NEDD4L: variants seen among roughly 807,000 people sequenced by gnomAD.
NEDD4L encodes E3 ubiquitin-protein ligase NEDD4-like.
In NEDD4L, 54 loss-of-function variants were observed where a neutral mutation model predicts 148.9. The observed-to-expected ratio is 0.36, with a 90% CI of 0.29 to 0.45. The LOEUF is 0.45. NEDD4L is among the 20% of genes least tolerant of loss of function. The probability of loss-of-function intolerance (pLI) is 1.00; values close to 1 mark genes in which losing one functional copy is unlikely to be tolerated. For synonymous variants in NEDD4L, 433 were observed against 440.7 expected (o/e 0.98, Z 0.22); for missense variants, 856 against 1,233.8 (o/e 0.69, Z 4.59).
At position 58,366,304 on chromosome 18, in the gene NEDD4L, G is replaced by T; in HGVS notation, c.2063+76G>T. The T allele has an allele frequency of 9.1e-7, 1 of 1,102,438 alleles. No homozygotes were observed. The allele number at this position is 1,102,438 out of a possible 1,614,324, so 68.3% of individuals were successfully genotyped here. ...GAATTTAAACAGAATGAAAGGATAAGCAGCTCATGAGTTCGAGATGCATTA... is the reference window on the plus strand; with the variant it reads ...GAATTTAAACAGAATGAAAGGATAATCAGCTCATGAGTTCGAGATGCATTA... On this transcript the variant is annotated intron_variant, in intron 21 of 30. Transcript: ENST00000400345. The surrounding 1 kb of genome is among the most constrained non-coding windows in gnomAD (Gnocchi z 4.2).
At chr18:58,255,628 C>T in intron 5 of NEDD4L, 1 of 1,232,476 alleles carries the variant, frequency 8.1e-7, no homozygotes, top group Middle Eastern at 3.1e-4. Context: ...CCCTCCTGGC[C>T]CCCCTGGTCA....
intron 1 of NEDD4L, among the ~76,000 whole-genome samples, chr18:58,158,289 A>T (rs868700786): frequency 3.9e-5 from 6 of 152,240 alleles, no homozygotes; most frequent in South Asian, 2.1e-4. Flanking sequence ...GTGGAAGCCT[A>T]ATGTCTTTGT....
At chr18:58,349,665 T>C in intron 17 of NEDD4L, 51 bp downstream of exon 17, 1 of 1,417,554 alleles carries the variant, frequency 7.1e-7, no homozygotes, top group Non-Finnish European at 1.0e-6. Context: ...TGTTCCTTTA[T>C]CCGCTCAATG....
At chr18:58,314,783 A>G (rs1331979181) in intron 5 of NEDD4L, among the ~76,000 whole-genome samples, 2 of 152,178 alleles carry the variant, frequency 1.3e-5, no homozygotes, top group Admixed American at 6.5e-5. Flanking sequence ...TCCAGAATGG[A>G]TTGTTTAGAG....
At chr18:58,368,909 A>T (rs1009057226) in intron 22 of NEDD4L, among the ~76,000 whole-genome samples, 1 of 152,178 alleles carries the variant, frequency 6.6e-6, no homozygotes, top group Admixed American at 6.5e-5. Flanking sequence ...ATTCACTCCA[A>T]CTTTCTCAGA....
chr18:58,071,475 G>T (rs1384873756), intron 1 of NEDD4L, among the ~76,000 whole-genome samples: 1 of 152,166 alleles, frequency 6.6e-6, no homozygotes, highest in African/African-American at 2.4e-5. Context: ...AAGAATCAGT[G>T]AACTGGAAGA....
Position 58,319,440 on chromosome 18 carries a change from G to A in NEDD4L, c.349-2985G>A, listed in dbSNP as rs114814709. Among the ~76,000 whole-genome samples the A allele has an allele frequency of 9.0e-3, 1,370 of 152,316 alleles. 23 individuals carry two copies. The highest frequency in any genetic ancestry group is 0.031 in the African/African-American group (1,284 of 41,558). On this transcript the variant is annotated intron_variant, in intron 6 of 30. Coordinates refer to ENST00000400345, the MANE Select transcript of NEDD4L (RefSeq NM_001144967.3). The stretch of plus-strand genomic sequence containing the variant: ...ATCCTTTATCTCACTCTATTCCATA[G>A]TGAATGCACCTAGGCTGAAAGCAAC...
rs747422859 is a variant in NEDD4L at position 58,390,732 on chromosome 18, C to T, written c.2742C>T (p.Ala914=). 7.2e-5 allele frequency: 115 copies of T among 1,592,776 alleles called. No individual in the cohort carries two copies. The highest frequency in any genetic ancestry group is 1.7e-4 in the Middle Eastern group (1 of 6,058). Residue 914 remains alanine (A), a synonymous_variant, in exon 29 of 31, where the codon GCC becomes GCT. Transcript: ENST00000400345. ...CGCGAGTACCTATGAATGGATTTGC[C>T]GAACTTTATGGTGAGCAGGATACCA... The part of the protein sequence containing the change: ...GTSRVPMNGF[A]ELYGSNGPQL...
chr18:58,223,895 C>T lies in NEDD4L; in HGVS notation c.123-21532C>T, dbSNP rs140512821. Among the ~76,000 whole-genome samples the T allele has an allele frequency of 5.8e-3, 886 of 152,320 alleles. 8 individuals are homozygous for T. Among genetic ancestry groups the T allele is most frequent in the African/African-American group, 0.019 (807 of 41,558 alleles). Reference sequence around the variant, plus strand: ...CCCCAAGGGTCACTCGACACACCCTCGTCTACAGTAAATATTTGTGCTTCC... The same window carrying T: ...CCCCAAGGGTCACTCGACACACCCTTGTCTACAGTAAATATTTGTGCTTCC... On this transcript the variant is annotated intron_variant, in intron 2 of 30. Transcript: ENST00000400345.
chr18:58,251,557 GTCTC>G (rs1055293058), intron 4 of NEDD4L, among the ~76,000 whole-genome samples: 5 of 151,470 alleles, frequency 3.3e-5, no homozygotes, highest in Non-Finnish European at 5.9e-5. Flanking sequence ...GTGTGTGTGT[GTCTC>G]TCTCTACACA....
At chr18:58,355,735 A>AT (rs1286868352) in intron 18 of NEDD4L, among the ~76,000 whole-genome samples, 1 of 150,668 alleles carries the variant, frequency 6.6e-6, no homozygotes, top group Admixed American at 6.6e-5. Flanking sequence ...AACAGTTGAG[A>AT]TTTTTCATGT....
chr18:58,172,968 C>T (rs1397931105), intron 2 of NEDD4L, among the ~76,000 whole-genome samples: 1 of 152,110 alleles, frequency 6.6e-6, no homozygotes, highest in Non-Finnish European at 1.5e-5. Context: ...AAGAGCTGGC[C>T]ATTGTATTTG....
At position 58,325,103 on chromosome 18, in the gene NEDD4L, C is replaced by T. The variant is rs147620894; in HGVS notation, c.621C>T (p.Gly207=). 10 of 1,614,022 alleles carry T rather than the reference C, an allele frequency of 6.2e-6. No individual in the cohort carries two copies. Among genetic ancestry groups the T allele is most frequent in the African/African-American group, 1.3e-5 (1 of 75,046 alleles). The part of the protein sequence containing the change: ...PGWEEKVDNL[G]RTYYVNHNNR... Reference sequence around the variant, plus strand: ...GGGAAGAAAAAGTGGACAATTTAGGCCGAACTTACTATGTCAACCACAACA... The same window carrying T: ...GGGAAGAAAAAGTGGACAATTTAGGTCGAACTTACTATGTCAACCACAACA... Residue 207 remains glycine, a synonymous_variant, in exon 9 of 31, where the codon GGC becomes GGT. Transcript: ENST00000400345.
rs751951607 is a variant in NEDD4L, at chr18:58,390,687, G to A, written c.2697G>A (p.Leu899=). Residue 899 remains leucine, a synonymous_variant, in exon 29 of 31, where the codon CTG becomes CTA. Coordinates refer to ENST00000400345, the MANE Select transcript of NEDD4L (RefSeq NM_001144967.3). ...LMDAEKRIRL[L]QFVTGTSRVP... ...ACGCCGAAAAGCGTATCCGGTTACT[G>A]CAGTTTGTCACAGGGACATCGCGAG... is the stretch of plus-strand genomic sequence containing the variant. 3.1e-6 allele frequency: 5 copies of A among 1,599,736 alleles called. No homozygotes were observed. Among genetic ancestry groups the A allele is most frequent in the Non-Finnish European group, 4.3e-6 (5 of 1,172,462 alleles).
At position 58,279,427 on chromosome 18, in the gene NEDD4L, A is replaced by T. The variant is rs190699899; in HGVS notation, c.297+27373A>T. Reference sequence around the variant, plus strand: ...ATGAAAGGTGCGACCAAGGGTCCTGAAAAAGGCATAGGATTTATACTTGCA... The same window carrying T: ...ATGAAAGGTGCGACCAAGGGTCCTGTAAAAGGCATAGGATTTATACTTGCA... On this transcript the variant is annotated intron_variant, in intron 5 of 30. Transcript: ENST00000400345. Among the ~76,000 whole-genome samples, 478 of 152,332 alleles carry T rather than the reference A, an allele frequency of 3.1e-3. 6 individuals carry two copies. The highest frequency in any genetic ancestry group is 0.011 in the African/African-American group (453 of 41,594).
intron 1 of NEDD4L, among the ~76,000 whole-genome samples, chr18:58,065,358 T>C (rs1448077503): frequency 6.6e-6 from 1 of 152,248 alleles, no homozygotes; most frequent in Non-Finnish European, 1.5e-5. Flanking sequence ...GGCTCTAGAG[T>C]GCCTGGCGAG....
chr18:58,191,048 C>T (rs1027612512), intron 2 of NEDD4L, among the ~76,000 whole-genome samples: 1 of 150,254 alleles, frequency 6.7e-6, no homozygotes, highest in African/African-American at 2.5e-5. Context: ...GAGGTCAAGG[C>T]TGCAGTGAGT....
At chr18:58,226,826 C>T (rs1704304902) in intron 2 of NEDD4L, among the ~76,000 whole-genome samples, 1 of 152,054 alleles carries the variant, frequency 6.6e-6, no homozygotes, top group African/African-American at 2.4e-5. Context: ...AGAAAACAAA[C>T]CAGGGTGTGT....
chr18:58,046,441 G>C (rs1012475544), intron 1 of NEDD4L: 1 of 151,998 alleles, frequency 6.6e-6, no homozygotes, highest in Admixed American at 6.6e-5. Context: ...TTTCATCCTA[G>C]GTTCTTTTAA....
Sources: allele counts gnomAD v4.1 joint callset (sites outside exome capture counted in the v4.1 genomes callset), GRCh38; gene constraint gnomAD v4.1.1; non-coding constraint Gnocchi (gnomAD v3.1); transcripts MANE v1.5; gene names NCBI Gene and HGNC (gene_info 2026-07-23, HGNC 2026-07-21).